Variants in OC90 observed in about 807,000 individuals in gnomAD.
OC90 encodes the protein otoconin-90.
A neutral mutation model predicts 47.3 loss-of-function variants in OC90; 46 were observed. The ratio of observed to expected loss-of-function variants is 0.97; its 90% CI spans 0.77 to 1.24. OC90 has a LOEUF of 1.24. OC90 is among the 50% of genes most tolerant of loss of function. The pLI is 0.00. For missense variants in OC90, 688 were observed against 583.9 expected (o/e 1.18, Z -1.84); for synonymous variants, 271 against 219.5 (o/e 1.23, Z -2.07).
intron 10 of OC90, among the ~76,000 whole-genome samples, chr8:132,034,336 C>T (rs2130854192): frequency 6.6e-6 from 1 of 152,246 alleles, no homozygotes; most frequent in African/African-American, 2.4e-5. Context: ...TAGCTAAATG[C>T]CTAGCAATTA....
At chr8:132,041,793 G>T in intron 4 of OC90, 94 bp from the exon 5 acceptor site, 1 of 675,636 alleles carries the variant, frequency 1.5e-6, no homozygotes. Context: ...CAGGCTGATG[G>T]TGCCTTATCA....
intron 9 of OC90, among the ~76,000 whole-genome samples, chr8:132,035,102 G>A (rs993247749): frequency 6.6e-6 from 1 of 152,194 alleles, no homozygotes; most frequent in Non-Finnish European, 1.5e-5. Context: ...AAATACTTTG[G>A]GAATGACAGC....
At chr8:132,050,226 A>G (rs939610800) in intron 2 of OC90, among the ~76,000 whole-genome samples, 9 of 152,184 alleles carry the variant, frequency 5.9e-5, no homozygotes, top group African/African-American at 1.2e-4. Context: ...GCAGACTGGC[A>G]GGAAAGAAGA....
chr8:132,033,039 CT>C lies in OC90; in HGVS notation c.858del (p.Ala287ProfsTer18). 1.2e-6 allele frequency: 2 copies of C among 1,608,850 alleles called. No homozygotes were observed. The highest frequency in any genetic ancestry group is 1.1e-5 in the South Asian group (1 of 89,494). ...GAGGACAGACACTGCTTCTGCTCAC[CT>C]TTTTCAGTGGTCTCCTCAGGATCAT... ...VENDPEETTE[K>X]ACDRFTFLHL... On this transcript the variant is annotated frameshift_variant and splice_region_variant, in exon 11 of 14. Transcript: ENST00000254627. LOFTEE classifies it high-confidence loss of function.
At chr8:132,052,080 G>A (rs1019437169) in intron 2 of OC90, among the ~76,000 whole-genome samples, 23 of 151,908 alleles carry the variant, frequency 1.5e-4, no homozygotes, top group African/African-American at 5.3e-4. Flanking sequence ...TCCATCTAGG[G>A]GCAGGGATGG....
Position 132,039,121 on chromosome 8 carries a change from A to T in OC90, c.460T>A (p.Ser154Thr). 1.2e-6 allele frequency: 2 copies of T among 1,603,380 alleles called. No individual in the cohort carries two copies. The highest frequency in any genetic ancestry group is 4.5e-5 in the East Asian group (2 of 44,470). The change falls in exon 7 of 14, where the codon TCC becomes ACC. Residue 154 changes from serine to threonine, a missense_variant and splice_region_variant. Physicochemically the swap from Ser to Thr is moderately conservative, Grantham distance 58 (BLOSUM62 1). Transcript: ENST00000254627. ...AGCAGGTGCTCACAGTTGTCCTTGG[A>T]CTCTGCACACAGCAAGAGCATAGCC... Reference protein sequence around the residue: ...NCVSKKIICESKDNCEHLLCT... With the variant: ...NCVSKKIICETKDNCEHLLCT...
intron 10 of OC90, 24 bp from the exon 11 acceptor site, chr8:132,033,188 T>A (rs1822903372): frequency 6.3e-7 from 1 of 1,597,288 alleles, no homozygotes; most frequent in Non-Finnish European, 8.5e-7. Context: ...ACTTCATGAT[T>A]CGGATTCAAA....
Position 132,028,634 on chromosome 8 carries a change from GAAAGA to G in OC90, c.1138+434_1138+438del, listed in dbSNP as rs1563727586. Among the ~76,000 whole-genome samples the G allele has an allele frequency of 2.7e-4, 27 of 101,198 alleles. 1 individual carries two copies. The highest frequency in any genetic ancestry group is 7.2e-4 in the South Asian group (2 of 2,788). 66.4% of individuals were successfully genotyped at this position (101,198 alleles called of 152,430 possible). A position where few individuals can be genotyped will look rare whatever the true frequency, so the allele number is the denominator to read the frequency against. On this transcript the variant is annotated intron_variant, in intron 13 of 13. Transcript: ENST00000254627. ...GGGAAGGAGGAAGGAAGGAAGGAAG[GAAAGA>G]AAGGAAGGAAGGAAGAAAGAAAGAA... is the stretch of plus-strand genomic sequence containing the variant.
intron 3 of OC90, 51 bp from the exon 4 acceptor site, chr8:132,044,540 A>T: frequency 9.7e-7 from 1 of 1,028,804 alleles, no homozygotes; most frequent in Non-Finnish European, 1.5e-6. Context: ...CCTTTTTTTC[A>T]CTTCCCTGTC....
intron 13 of OC90, among the ~76,000 whole-genome samples, chr8:132,027,031 T>C (rs1822770159): frequency 6.6e-6 from 1 of 152,166 alleles, no homozygotes; most frequent in Admixed American, 6.5e-5. Flanking sequence ...GGAATATCCA[T>C]GCCCAGTATG....
chr8:132,056,229 A>C (rs1029741383), intron 1 of OC90, among the ~76,000 whole-genome samples: 1 of 152,156 alleles, frequency 6.6e-6, no homozygotes, highest in Non-Finnish European at 1.5e-5. Flanking sequence ...AGGAAGGAGC[A>C]CTTTGTAAAA....
intron 12 of OC90, among the ~76,000 whole-genome samples, chr8:132,030,062 T>C (rs554572561): frequency 6.6e-4 from 100 of 152,348 alleles, no homozygotes; most frequent in Non-Finnish European, 1.6e-4. Context: ...ATCCACCTTG[T>C]ATGCTCACAT....
intron 5 of OC90, 35 bp from the exon 6 acceptor site, chr8:132,041,191 G>A: frequency 7.6e-7 from 1 of 1,311,304 alleles, no homozygotes; most frequent in Non-Finnish European, 1.1e-6. Context: ...GGGTGAGAGT[G>A]TGGGTTAGAG....
At chr8:132,057,341 C>A (rs961473466) in intron 1 of OC90, among the ~76,000 whole-genome samples, 1 of 152,110 alleles carries the variant, frequency 6.6e-6, no homozygotes, top group African/African-American at 2.4e-5. Flanking sequence ...GGTGCATTCC[C>A]CTGGGGAGTT....
chr8:132,039,445 C>T (rs1803162255), intron 6 of OC90, among the ~76,000 whole-genome samples: 1 of 152,150 alleles, frequency 6.6e-6, no homozygotes, highest in Admixed American at 6.5e-5. Flanking sequence ...ATGGTAGTGG[C>T]CTCCTAACTA....
chr8:132,046,382 A>C lies in OC90; in HGVS notation c.47-499T>G, dbSNP rs187681255. 1.2e-4 allele frequency among the ~76,000 whole-genome samples: 18 copies of C among 152,356 alleles called. 1 individual carries two copies. Among genetic ancestry groups the C allele is most frequent in the East Asian group, 3.9e-4 (2 of 5,184 alleles). On this transcript the variant is annotated intron_variant, in intron 2 of 13. Coordinates refer to ENST00000254627, the MANE Select transcript of OC90 (RefSeq NM_001080399.3). ...GCTCTCACTCAAGTTTGATTCAGCC[A>C]GTCTGGACTGGGACTCAGAAAGAAG...
At chr8:132,042,332 A>G (rs1823065692) in intron 4 of OC90, among the ~76,000 whole-genome samples, 1 of 152,184 alleles carries the variant, frequency 6.6e-6, no homozygotes, top group Admixed American at 6.5e-5. Context: ...TGGTGCCTTC[A>G]CACCACTTGA....
intron 7 of OC90, 31 bp from the exon 8 acceptor site, chr8:132,038,862 G>C: frequency 6.2e-7 from 1 of 1,612,494 alleles, no homozygotes; most frequent in Non-Finnish European, 8.5e-7. Context: ...AAAGTCTGTT[G>C]AGAGCAGTGG....
intron 13 of OC90, among the ~76,000 whole-genome samples, chr8:132,025,072 C>A (rs946898426): frequency 2.0e-5 from 3 of 152,268 alleles, no homozygotes; most frequent in Admixed American, 1.3e-4. Context: ...TTCCTGTGGG[C>A]TCCCATGGAA....
Sources: gnomAD v4.1 joint callset for allele counts (sites outside exome capture counted in the v4.1 genomes callset) on GRCh38, gnomAD v4.1.1 for gene constraint, MANE v1.5 for transcripts, NCBI Gene and HGNC (gene_info 2026-07-23, HGNC 2026-07-21) for gene names.